Variants in BOK observed in about 807,000 individuals in gnomAD.
BOK encodes BCL2 family apoptosis regulator BOK.
Under a neutral mutation model 18.3 loss-of-function variants are expected in BOK, and 20 were observed. The ratio of observed to expected loss-of-function variants is 1.09; its 90% CI spans 0.77 to 1.59. The LOEUF (loss-of-function observed/expected upper bound fraction) is 1.59. Among genes scored for constraint, BOK ranks in the 40% most tolerant of loss-of-function variants. BOK has a pLI of 0.00. For synonymous variants in BOK, 173 were observed against 142.4 expected (o/e 1.21, Z -1.53); for missense variants, 348 against 307.9 (o/e 1.13, Z -0.97).
rs2066532539 is a variant in BOK, at chr2:241,562,016, C to T, written c.221-332C>T. Among the ~76,000 whole-genome samples the T allele has an allele frequency of 6.6e-6, 1 of 152,262 alleles. No individual in the cohort carries two copies. The highest frequency in any genetic ancestry group is 1.9e-4 in the East Asian group (1 of 5,196). On this transcript the variant is annotated intron_variant, in intron 2 of 4. Coordinates refer to ENST00000318407, the MANE Select transcript of BOK (RefSeq NM_032515.5). The surrounding 1 kb of genome is among the most constrained non-coding windows in gnomAD (Gnocchi z 4.5). ...TCTGGGCAGCTCGGCTGCCTGTCGG[C>T]TGTGAGTCACCAGCAGGCACGGCCC...
At chr2:241,569,340 T>C (rs61174848) in intron 3 of BOK, among the ~76,000 whole-genome samples, 44,928 of 151,904 alleles carry the variant, frequency 0.3, 7,212 homozygotes, top group African/African-American at 0.42. Context: ...ACCATGTTGG[T>C]CAGGCTGCTC....
rs529643299 is a variant in BOK at position 241,562,367 on chromosome 2, C to A, written c.240C>A (p.Ile80=). Reference sequence around the variant, plus strand: ...ACACAGGCGATGAGCTGGAGATGATCCGGCCCAGCGTCTACCGCAACGTGG... The same window carrying A: ...ACACAGGCGATGAGCTGGAGATGATACGGCCCAGCGTCTACCGCAACGTGG... ...LLRLGDELEM[I]RPSVYRNVAR... Residue 80 remains isoleucine (I), a synonymous_variant, in exon 3 of 5, where the codon ATC becomes ATA. Coordinates refer to ENST00000318407, the MANE Select transcript of BOK (RefSeq NM_032515.5). This position sits in a 1 kb window ranked among gnomAD's most constrained non-coding sequence, Gnocchi z 4.5. The A allele has an allele frequency of 1.2e-6, 2 of 1,608,110 alleles. No homozygotes were observed. Among genetic ancestry groups the A allele is most frequent in the Admixed American group, 3.4e-5 (2 of 59,576 alleles).
At chr2:241,558,054 G>GAAACACAC (rs545529201), upstream of BOK, among the ~76,000 whole-genome samples, 3 of 143,244 alleles carry the variant, frequency 2.1e-5, no homozygotes, top group Admixed American at 7.1e-5. Flanking sequence ...AGAGTTCCGA[G>GAAACACAC]ACACACACAC....
rs1035072369 is a variant in BOK, at chr2:241,559,663, G to A, written c.180G>A (p.Pro60=). The part of the protein sequence containing the change: ...WSAPERAAPV[P]GRLAEVCAVL... ...CGCCCGAGCGTGCCGCGCCGGTCCC[G>A]GGACGCCTGGCTGAGGTGTGCGCGG... Residue 60 remains proline, a synonymous_variant, in exon 2 of 5, where the codon CCG becomes CCA. Coordinates refer to ENST00000318407, the MANE Select transcript of BOK (RefSeq NM_032515.5). 3.1e-5 allele frequency: 43 copies of A among 1,380,624 alleles called. No homozygotes were observed. The highest frequency in any genetic ancestry group is 1.5e-4 in the Admixed American group (4 of 27,272). 85.5% of individuals were successfully genotyped at this position (1,380,624 alleles called of 1,614,324 possible).
chr2:241,552,412 C>T (rs870299), intron 1 of BOK, among the ~76,000 whole-genome samples: 50,929 of 151,828 alleles, frequency 0.34, 11,399 homozygotes, highest in African/African-American at 0.64. Flanking sequence ...CTCCACGCCG[C>T]GCCATGCCGG....
At position 241,559,680 on chromosome 2, in the gene BOK, T is replaced by G. The variant is rs2066496680; in HGVS notation, c.197T>G (p.Val66Gly). 1 of 1,355,508 alleles carries G rather than the reference T, an allele frequency of 7.4e-7. No homozygotes were observed. The highest frequency in any genetic ancestry group is 1.5e-5 in the African/African-American group (1 of 65,224). The allele number at this position is 1,355,508 out of a possible 1,614,324, so 84.0% of individuals were successfully genotyped here. A position where few individuals can be genotyped will look rare whatever the true frequency, so the allele number is the denominator to read the frequency against. Residue 66 changes from valine (V) to glycine (G), a missense_variant, in exon 2 of 5, where the codon GTG (valine) becomes GGG (glycine). By Grantham distance (109) the Val-to-Gly change is moderately radical. Coordinates refer to ENST00000318407, the MANE Select transcript of BOK (RefSeq NM_032515.5). ...AAPVPGRLAE[V>G]CAVLLRLGDE... ...CCGGTCCCGGGACGCCTGGCTGAGG[T>G]GTGCGCGGTGCTGCTGCGCCTGGGT...
In BOK at chr2:241,572,634, C is replaced by G. The variant is rs1390672977; in HGVS notation, c.*212C>G. Reference sequence around the variant, plus strand: ...AGCCTGGAGCTGGGCTTTGGGGCAGCCTGCGACCCTCCCCGCTTGTGTCCC... The same window carrying G: ...AGCCTGGAGCTGGGCTTTGGGGCAGGCTGCGACCCTCCCCGCTTGTGTCCC... On this transcript the variant is annotated 3_prime_UTR_variant, in exon 5 of 5. Coordinates refer to ENST00000318407, the MANE Select transcript of BOK (RefSeq NM_032515.5). The G allele has an allele frequency of 1.5e-6, 1 of 666,182 alleles. No homozygotes were observed. The highest frequency in any genetic ancestry group is 2.5e-6 in the Non-Finnish European group (1 of 399,226). 41.3% of individuals were successfully genotyped at this position (666,182 alleles called of 1,614,324 possible).
At chr2:241,559,408 T>C in intron 1 of BOK, 47 bp from the exon 2 acceptor site, 2 of 1,217,232 alleles carry the variant, frequency 1.6e-6, no homozygotes, top group Non-Finnish European at 2.1e-6. Context: ...GCGCGCCCCG[T>C]TCCCCGCGCC....
chr2:241,559,235 G>A (rs1173817809), intron 1 of BOK, among the ~76,000 whole-genome samples: 1 of 151,686 alleles, frequency 6.6e-6, no homozygotes, highest in Non-Finnish European at 1.5e-5. Flanking sequence ...CCGTCTCCCC[G>A]CGGCCCCACC....
chr2:241,563,534 C>G (rs1034974364), intron 3 of BOK, among the ~76,000 whole-genome samples: 5 of 152,182 alleles, frequency 3.3e-5, no homozygotes, highest in African/African-American at 1.2e-4. Context: ...CAGTGAACCC[C>G]GGGGTGCGCA....
At chr2:241,556,920 G>A (rs2066456704), upstream of BOK, among the ~76,000 whole-genome samples, 1 of 152,140 alleles carries the variant, frequency 6.6e-6, no homozygotes, top group Admixed American at 6.5e-5. Flanking sequence ...CATTTAATTG[G>A]TGTAGGACTA....
intron 1 of BOK, among the ~76,000 whole-genome samples, chr2:241,553,333 G>A (rs984330749): frequency 6.6e-6 from 1 of 152,120 alleles, no homozygotes; most frequent in Non-Finnish European, 1.5e-5. Flanking sequence ...TGTATTTTTA[G>A]TAGAGACGGG....
Position 241,562,596 on chromosome 2 carries a change from G to C in BOK, c.349+120G>C, listed in dbSNP as rs1368354180. The C allele has an allele frequency of 1.5e-6, 2 of 1,312,540 alleles. No individual in the cohort carries two copies. Among genetic ancestry groups the C allele is most frequent in the Admixed American group, 2.9e-5 (1 of 34,458 alleles). The allele number at this position is 1,312,540 out of a possible 1,614,324, so 81.3% of individuals were successfully genotyped here. The stretch of plus-strand genomic sequence containing the variant: ...TCCTGGCGCTGCCCAGTGCCCACCG[G>C]TGCCATCTCACTGCTGCAGGTGTCA... On this transcript the variant is annotated intron_variant, in intron 3 of 4. Transcript: ENST00000318407. This position sits in a 1 kb window ranked among gnomAD's most constrained non-coding sequence, Gnocchi z 4.5.
At position 241,572,439 on chromosome 2, in the gene BOK, T is replaced by G. The variant is rs1258129563; in HGVS notation, c.*17T>G. ...GAGAGATGAGCTGCCCACCTGGCAG[T>G]GGCCGCAGCCTGGCCCTCTGGGCCC... On this transcript the variant is annotated 3_prime_UTR_variant, in exon 5 of 5. Coordinates refer to ENST00000318407, the MANE Select transcript of BOK (RefSeq NM_032515.5). 6.3e-7 allele frequency: 1 copy of G among 1,591,318 alleles called. No homozygotes were observed. The highest frequency in any genetic ancestry group is 8.5e-7 in the Non-Finnish European group (1 of 1,176,094).
chr2:241,560,799 T>G (rs889750842), intron 2 of BOK, among the ~76,000 whole-genome samples: 8 of 152,128 alleles, frequency 5.3e-5, no homozygotes, highest in Admixed American at 3.3e-4. Context: ...TTTAGTGGCC[T>G]TCTGAAAAGA....
At chr2:241,556,759 A>T (rs987136758), upstream of BOK, among the ~76,000 whole-genome samples, 13 of 152,132 alleles carry the variant, frequency 8.5e-5, no homozygotes, top group African/African-American at 2.9e-4. Context: ...ACCTCATAAA[A>T]TGAGTTGGGA....
At chr2:241,557,958 C>G (rs1232102880), upstream of BOK, among the ~76,000 whole-genome samples, 1 of 151,252 alleles carries the variant, frequency 6.6e-6, no homozygotes, top group Non-Finnish European at 1.5e-5. Flanking sequence ...TAGTGTTGTA[C>G]ACACGTGAAT....
rs375145660 is a variant in BOK at position 241,570,216 on chromosome 2, C to T, written c.441C>T (p.His147=). 2.0e-4 allele frequency: 323 copies of T among 1,603,420 alleles called. No individual in the cohort carries two copies. Among genetic ancestry groups the T allele is most frequent in the Non-Finnish European group, 2.5e-4 (299 of 1,176,726 alleles). ...GGCAGGCCCAGCCTGCCATGGTCCA[C>T]GCCCTCGTGGACTGCCTGGGGGAGT... The part of the protein sequence containing the change: ...CVRQAQPAMV[H]ALVDCLGEFV... The change falls in exon 4 of 5, where the codon CAC becomes CAT. Residue 147 remains histidine, a synonymous_variant. Coordinates refer to ENST00000318407, the MANE Select transcript of BOK (RefSeq NM_032515.5).
Position 241,559,572 on chromosome 2 carries a change from A to C in BOK, c.89A>C (p.Gln30Pro). ...CCCACAGACAAGGAGCTGGTGGCCCAGGCCAAGGCGCTGGGCCGGGAGTAC... is the reference window on the plus strand; with the variant it reads ...CCCACAGACAAGGAGCTGGTGGCCCCGGCCAAGGCGCTGGGCCGGGAGTAC... ...RSPTDKELVA[Q>P]AKALGREYVH... Residue 30 changes from glutamine (Q) to proline (P), a missense_variant, in exon 2 of 5, where the codon CAG (glutamine) becomes CCG (proline). Transcript: ENST00000318407. 2 of 1,525,410 alleles carry C rather than the reference A, an allele frequency of 1.3e-6. No homozygotes were observed. Among genetic ancestry groups the C allele is most frequent in the Non-Finnish European group, 1.7e-6 (2 of 1,145,630 alleles). 94.5% of individuals were successfully genotyped at this position (1,525,410 alleles called of 1,614,324 possible). A position where few individuals can be genotyped will look rare whatever the true frequency, so the allele number is the denominator to read the frequency against.
Sources: gnomAD v4.1 joint callset for allele counts (sites outside exome capture counted in the v4.1 genomes callset) on GRCh38, gnomAD v4.1.1 for gene constraint, Gnocchi (gnomAD v3.1) non-coding constraint, MANE v1.5 for transcripts, NCBI Gene and HGNC (gene_info 2026-07-23, HGNC 2026-07-21) for gene names.